LRRC4C: variants seen among roughly 807,000 people sequenced by gnomAD.
The protein encoded by LRRC4C is leucine rich repeat containing 4C.
LRRC4C carries 5 observed loss-of-function variants against 33.6 expected under a neutral mutation model. The observed-to-expected ratio is 0.15, with a 90% confidence interval of 0.08 to 0.31. The LOEUF (loss-of-function observed/expected upper bound fraction) is 0.31. LRRC4C is among the 10% of genes least tolerant of loss of function. LRRC4C has a pLI of 1.00. For synonymous variants in LRRC4C, 329 were observed against 302.0 expected (o/e 1.09, Z -0.93); for missense variants, 560 against 796.7 (o/e 0.70, Z 3.58).
At chr11:40,197,139 A>G (rs1252641378) in intron 5 of LRRC4C, among the ~76,000 whole-genome samples, 1 of 152,194 alleles carries the variant, frequency 6.6e-6, no homozygotes, top group African/African-American at 2.4e-5. Flanking sequence ...TATAGGATTG[A>G]TTGAGAAGTT....
intron 2 of LRRC4C, among the ~76,000 whole-genome samples, chr11:40,814,399 C>T (rs904805836): frequency 6.6e-6 from 1 of 152,010 alleles, no homozygotes. Context: ...GCACCAAGTC[C>T]CTACACTGCA....
intron 4 of LRRC4C, chr11:40,292,472 T>C (rs1944258814): frequency 1.3e-5 from 2 of 152,152 alleles, no homozygotes; most frequent in African/African-American, 4.8e-5. Context: ...TCCTCTCCTC[T>C]TGTGGGAAAT....
chr11:40,955,192 A>C (rs1958902459), intron 1 of LRRC4C, among the ~76,000 whole-genome samples: 1 of 151,852 alleles, frequency 6.6e-6, no homozygotes, highest in African/African-American at 2.4e-5. Flanking sequence ...AAGACTATTC[A>C]AGGGTCTAAA....
At chr11:41,132,868 T>C (rs911847626) in intron 1 of LRRC4C, among the ~76,000 whole-genome samples, 1 of 152,130 alleles carries the variant, frequency 6.6e-6, no homozygotes, top group African/African-American at 2.4e-5. Context: ...CACTGTTCTG[T>C]TGTTATCCCC....
intron 1 of LRRC4C, among the ~76,000 whole-genome samples, chr11:41,446,784 T>A (rs1955839961): frequency 6.6e-6 from 1 of 152,164 alleles, no homozygotes; most frequent in African/African-American, 2.4e-5. Flanking sequence ...TGTGGCCTTA[T>A]TTTTCTATTT....
chr11:40,211,489 T>C (rs1375856087), intron 5 of LRRC4C, among the ~76,000 whole-genome samples: 3 of 152,196 alleles, frequency 2.0e-5, no homozygotes, highest in Admixed American at 6.5e-5. Flanking sequence ...GAAGTAACTA[T>C]ATCTAAAAAT....
chr11:40,680,267 C>T (rs1273890619), intron 2 of LRRC4C, among the ~76,000 whole-genome samples: 7 of 152,186 alleles, frequency 4.6e-5, no homozygotes, highest in Admixed American at 2.6e-4. Context: ...ATTTTACAGG[C>T]TTACAGGTGG....
intron 2 of LRRC4C, among the ~76,000 whole-genome samples, chr11:40,708,279 T>A (rs938499739): frequency 6.6e-6 from 1 of 152,204 alleles, no homozygotes; most frequent in Non-Finnish European, 1.5e-5. Flanking sequence ...TGCTCTTGCT[T>A]CTCTAGTTCT....
chr11:40,563,373 A>G (rs1957630543), intron 3 of LRRC4C, among the ~76,000 whole-genome samples: 1 of 152,108 alleles, frequency 6.6e-6, no homozygotes, highest in South Asian at 2.1e-4. Context: ...GGTGGAGATG[A>G]ATGCCCTTGC....
chr11:41,079,206 T>C (rs1227357735), intron 1 of LRRC4C, among the ~76,000 whole-genome samples: 3 of 152,182 alleles, frequency 2.0e-5, no homozygotes, highest in African/African-American at 7.2e-5. Context: ...AGGCTGAAGA[T>C]AGCCTCTGAG....
chr11:40,695,831 T>G (rs1486555801), intron 2 of LRRC4C, among the ~76,000 whole-genome samples: 1 of 152,070 alleles, frequency 6.6e-6, no homozygotes, highest in African/African-American at 2.4e-5. Flanking sequence ...TGGGCTCATC[T>G]GGATAATCCA....
chr11:40,573,372 T>C (rs1958058903), intron 3 of LRRC4C, among the ~76,000 whole-genome samples: 1 of 152,184 alleles, frequency 6.6e-6, no homozygotes, highest in Non-Finnish European at 1.5e-5. Context: ...CTTTATAGCC[T>C]CTCTGACTAT....
chr11:41,408,634 T>C (rs1477471508), intron 1 of LRRC4C, among the ~76,000 whole-genome samples: 1 of 151,956 alleles, frequency 6.6e-6, no homozygotes, highest in East Asian at 1.9e-4. Context: ...GCAATAATGA[T>C]TGCTTTTACA....
chr11:41,254,162 G>A (rs77126168), intron 1 of LRRC4C, among the ~76,000 whole-genome samples: 2,877 of 152,122 alleles, frequency 0.019, 93 homozygotes, highest in African/African-American at 0.067. Context: ...GCAGTTGACA[G>A]CAACTTCATG....
chr11:40,328,878 C>A (rs1565278099), intron 3 of LRRC4C, among the ~76,000 whole-genome samples: 1 of 152,224 alleles, frequency 6.6e-6, no homozygotes, highest in Non-Finnish European at 1.5e-5. Flanking sequence ...ATAATAGCAG[C>A]ATGAGTGGGG....
At position 41,452,319 on chromosome 11, in the gene LRRC4C, T is replaced by C. The variant is rs553863557; in HGVS notation, c.-496+7112A>G. Among the ~76,000 whole-genome samples the C allele has an allele frequency of 3.9e-5, 6 of 152,274 alleles. No individual in the cohort carries two copies. The South Asian group carries it at 1.2e-3, about 32-fold the overall frequency. The stretch of plus-strand genomic sequence containing the variant: ...AAATCTCTCATCTTTAAGTAACTTA[T>C]TATCAAATATTCAACATGCTAATGT... On this transcript the variant is annotated intron_variant, in intron 1 of 6. Transcript: ENST00000528697.
intron 1 of LRRC4C, among the ~76,000 whole-genome samples, chr11:41,388,916 T>C (rs1186512552): frequency 6.6e-6 from 1 of 151,826 alleles, no homozygotes; most frequent in African/African-American, 2.4e-5. Context: ...AATTTTGATG[T>C]TTAGACAGGT....
intron 1 of LRRC4C, among the ~76,000 whole-genome samples, chr11:41,129,076 C>G (rs1942889730): frequency 6.6e-6 from 1 of 151,818 alleles, no homozygotes; most frequent in African/African-American, 2.4e-5. Context: ...GGTGGGGGAC[C>G]ATTCTCTTTT....
chr11:41,270,542 AG>A (rs1450119718), intron 1 of LRRC4C, among the ~76,000 whole-genome samples: 2 of 152,062 alleles, frequency 1.3e-5, no homozygotes, highest in African/African-American at 2.4e-5. Flanking sequence ...TCTGCCTCTT[AG>A]GTGCCTCTTC....
Sources: gnomAD v4.1 joint callset for allele counts (sites outside exome capture counted in the v4.1 genomes callset) on GRCh38, gnomAD v4.1.1 for gene constraint, MANE v1.5 for transcripts, NCBI Gene and HGNC (gene_info 2026-07-23, HGNC 2026-07-21) for gene names.